The following ACSL3 variants were observed in gnomAD, a reference collection of about 807,000 sequenced individuals.
ACSL3 encodes fatty acid CoA ligase Acsl3.
ACSL3 carries 34 observed loss-of-function variants against 84.7 expected under a neutral mutation model. The observed-to-expected ratio is 0.40, with a 90% CI of 0.31 to 0.53. The LOEUF (loss-of-function observed/expected upper bound fraction) is 0.53, where lower values mean the gene tolerates loss of function less well. Among genes scored for constraint, ACSL3 ranks in the 20% least tolerant of loss-of-function variants. ACSL3 has a pLI of 0.48. For missense variants in ACSL3, 680 were observed against 873.1 expected (o/e 0.78, Z 2.79); for synonymous variants, 315 against 299.4 (o/e 1.05, Z -0.54).
Position 222,934,596 on chromosome 2 carries a change from GAAA to G in ACSL3, c.1915_1917del (p.Lys639del). Reference sequence around the variant, plus strand: ...AGGAACTAACTGAACTAGCTCGAAAGAAAGGACTTAAAGGGACTTGGGAGGAGC... The same window carrying G: ...AGGAACTAACTGAACTAGCTCGAAAGGGACTTAAAGGGACTTGGGAGGAGC... On this transcript the variant is annotated inframe_deletion, in exon 16 of 17. Coordinates refer to ENST00000357430, the MANE Select transcript of ACSL3 (RefSeq NM_004457.5). The G allele has an allele frequency of 6.2e-7, 1 of 1,605,346 alleles. No homozygotes were observed.
intron 13 of ACSL3, among the ~76,000 whole-genome samples, chr2:222,929,436 T>C (rs1467004394): frequency 1.3e-5 from 2 of 152,178 alleles, no homozygotes; most frequent in African/African-American, 2.4e-5. Flanking sequence ...TGTTAAAATA[T>C]ACAAATTATC....
intron 4 of ACSL3, among the ~76,000 whole-genome samples, 198 bp downstream of exon 4, chr2:222,909,348 G>A (rs369191559): frequency 1.3e-5 from 2 of 152,256 alleles, no homozygotes; most frequent in African/African-American, 4.8e-5. Flanking sequence ...GAAGGACATC[G>A]CAACCCAGTG....
At chr2:222,882,399 C>T (rs795892) in intron 1 of ACSL3, among the ~76,000 whole-genome samples, 53,493 of 151,958 alleles carry the variant, frequency 0.35, 10,836 homozygotes, top group East Asian at 0.76. Context: ...TTTATAACAG[C>T]GATCTCCAAG....
chr2:222,942,428 T>C lies in ACSL3; in HGVS notation c.*774T>C, dbSNP rs569873367. The C allele has an allele frequency of 2.1e-5, 4 of 192,850 alleles. No homozygotes were observed. The highest frequency in any genetic ancestry group is 6.9e-5 in the African/African-American group (3 of 43,300). 11.9% of individuals were successfully genotyped at this position (192,850 alleles called of 1,614,324 possible). ...ACTGTCAAAATGTTCAATGAAGTCTTCTGTTCATCTGTTGAAACTAGGAAA... is the reference window on the plus strand; with the variant it reads ...ACTGTCAAAATGTTCAATGAAGTCTCCTGTTCATCTGTTGAAACTAGGAAA... On this transcript the variant is annotated 3_prime_UTR_variant, in exon 17 of 17. Transcript: ENST00000357430.
intron 1 of ACSL3, chr2:222,861,579 C>G (rs1256968000): frequency 1.3e-5 from 2 of 152,204 alleles, no homozygotes; most frequent in African/African-American, 4.8e-5. Flanking sequence ...TGCCTCCCGG[C>G]GCTGTGGGGC....
intron 1 of ACSL3, chr2:222,861,780 G>GC (rs1163028909): frequency 3.3e-5 from 5 of 152,428 alleles, no homozygotes; most frequent in African/African-American, 4.8e-5. Context: ...TTGGTTCTGG[G>GC]CACTATCGTG....
intron 16 of ACSL3, among the ~76,000 whole-genome samples, chr2:222,935,376 G>A (rs1020175597): frequency 7.2e-5 from 11 of 151,942 alleles, no homozygotes; most frequent in Non-Finnish European, 1.3e-4. Context: ...TTTTTTTGTT[G>A]TTTTGTTTTG....
intron 1 of ACSL3, among the ~76,000 whole-genome samples, chr2:222,867,657 A>G (rs10469670): frequency 0.3 from 46,297 of 152,112 alleles, 7,290 homozygotes; most frequent in Admixed American, 0.41. Flanking sequence ...ACAAGTTAGT[A>G]CATTTTAGGT....
chr2:222,870,788 C>T (rs1458017971), intron 1 of ACSL3, among the ~76,000 whole-genome samples: 1 of 152,186 alleles, frequency 6.6e-6, no homozygotes, highest in Non-Finnish European at 1.5e-5. Flanking sequence ...GAAAAGTAAG[C>T]TGACTTCAAG....
chr2:222,883,803 C>T (rs1695654834), intron 1 of ACSL3, among the ~76,000 whole-genome samples: 1 of 152,060 alleles, frequency 6.6e-6, no homozygotes, highest in East Asian at 1.9e-4. Context: ...TATATTCTAC[C>T]CCTTGCTTTT....
chr2:222,866,298 A>G (rs1159734997), intron 1 of ACSL3, among the ~76,000 whole-genome samples: 1 of 152,086 alleles, frequency 6.6e-6, no homozygotes, highest in African/African-American at 2.4e-5. Context: ...GGTGCCCACC[A>G]CCATGCCCGG....
At position 222,902,596 on chromosome 2, in the gene ACSL3, A is replaced by C. The variant is rs183529131; in HGVS notation, c.-41+1816A>C. On this transcript the variant is annotated intron_variant, in intron 3 of 16. Transcript: ENST00000357430. The stretch of plus-strand genomic sequence containing the variant: ...GGATTCTTGCTCCTTAGTTCAGCTA[A>C]ATCCAGGTTCTTGTCTCATGACCAG... Among the ~76,000 whole-genome samples, 17 of 152,334 alleles carry C rather than the reference A, an allele frequency of 1.1e-4. No homozygotes were observed. In the East Asian group the frequency reaches 3.1e-3, roughly 28 times the overall value.
chr2:222,935,357 TA>T (rs557894844), intron 16 of ACSL3, among the ~76,000 whole-genome samples: 1 of 151,938 alleles, frequency 6.6e-6, no homozygotes, highest in African/African-American at 2.4e-5. Context: ...CCTAGCTAAT[TA>T]AAAAAAATTT....
chr2:222,929,793 A>G (rs1696974724), intron 13 of ACSL3, among the ~76,000 whole-genome samples: 1 of 130,508 alleles, frequency 7.7e-6, no homozygotes, highest in Admixed American at 7.6e-5. Context: ...ATAAATAAAT[A>G]AAGAAAGATT....
At chr2:222,874,674 GAAA>G (rs560238491) in intron 1 of ACSL3, among the ~76,000 whole-genome samples, 1 of 141,660 alleles carries the variant, frequency 7.1e-6, no homozygotes, top group African/African-American at 2.6e-5. Flanking sequence ...GACCCTGTCT[GAAA>G]AAAAAAAAAA....
chr2:222,923,823 A>T (rs1055859729), intron 10 of ACSL3, among the ~76,000 whole-genome samples: 6 of 152,158 alleles, frequency 3.9e-5, no homozygotes, highest in African/African-American at 1.4e-4. Flanking sequence ...TTTCTTTAGT[A>T]TCCAACTTAA....
intron 13 of ACSL3, 98 bp from the exon 14 acceptor site, chr2:222,930,523 A>G (rs1424287120): frequency 3.8e-6 from 4 of 1,059,704 alleles, no homozygotes; most frequent in African/African-American, 3.2e-5. Flanking sequence ...GGGAAGTTCT[A>G]ATTGGATTAA....
In ACSL3 at chr2:222,942,179, T is replaced by C. The variant is rs1482710398; in HGVS notation, c.*525T>C. On this transcript the variant is annotated 3_prime_UTR_variant, in exon 17 of 17. Transcript: ENST00000357430. Reference sequence around the variant, plus strand: ...GTTGCTGTGTAATTATTGTCTTGTATGCATTTGAGAGAAATAAATATACCC... The same window carrying C: ...GTTGCTGTGTAATTATTGTCTTGTACGCATTTGAGAGAAATAAATATACCC... 1 of 195,936 alleles carries C rather than the reference T, an allele frequency of 5.1e-6. No individual in the cohort carries two copies. Among genetic ancestry groups the C allele is most frequent in the East Asian group, 8.1e-5 (1 of 12,336 alleles). 12.1% of individuals were successfully genotyped at this position (195,936 alleles called of 1,614,324 possible). A position where few individuals can be genotyped will look rare whatever the true frequency, so the allele number is the denominator to read the frequency against.
chr2:222,931,345 C>T (rs377483850), intron 14 of ACSL3, among the ~76,000 whole-genome samples: 3 of 150,882 alleles, frequency 2.0e-5, no homozygotes, highest in Non-Finnish European at 2.9e-5. Flanking sequence ...ACCCGGGAGG[C>T]AGAGCTTGCA....
Sources: gnomAD v4.1 joint callset for allele counts (sites outside exome capture counted in the v4.1 genomes callset) on GRCh38, gnomAD v4.1.1 for gene constraint, MANE v1.5 for transcripts, NCBI Gene and HGNC (gene_info 2026-07-23, HGNC 2026-07-21) for gene names.